The following PPP2R5E variants were observed in gnomAD, a reference collection of about 807,000 sequenced individuals.
The protein encoded by PPP2R5E is serine/threonine-protein phosphatase 2A 56 kDa regulatory subunit epsilon isoform.
PPP2R5E carries 4 observed loss-of-function variants against 65.3 expected under a neutral mutation model. The ratio of observed to expected loss-of-function variants is 0.06; its 90% CI spans 0.03 to 0.14. The LOEUF is 0.14. Ranked by LOEUF, PPP2R5E falls within the 10% of genes least tolerant of loss-of-function variation. PPP2R5E has a pLI of 1.00. For missense variants in PPP2R5E, 274 were observed against 556.1 expected (o/e 0.49, Z 5.10); for synonymous variants, 183 against 187.4 (o/e 0.98, Z 0.19).
At chr14:63,498,839 C>G (rs1434395391) in intron 2 of PPP2R5E, among the ~76,000 whole-genome samples, 1 of 151,938 alleles carries the variant, frequency 6.6e-6, no homozygotes, top group East Asian at 1.9e-4. Context: ...ACTTCATATA[C>G]CTCTCCAGCA....
intron 5 of PPP2R5E, among the ~76,000 whole-genome samples, chr14:63,406,396 G>T (rs927940347): frequency 1.6e-4 from 24 of 147,164 alleles, no homozygotes; most frequent in African/African-American, 5.8e-4. Flanking sequence ...GGGTGACAGA[G>T]CTAGACTTCA....
At chr14:63,474,326 G>C (rs1055727799) in intron 2 of PPP2R5E, among the ~76,000 whole-genome samples, 3 of 152,150 alleles carry the variant, frequency 2.0e-5, no homozygotes, top group African/African-American at 7.2e-5. Context: ...TGGGAGCCGG[G>C]TTGTCTGGTT....
intron 2 of PPP2R5E, among the ~76,000 whole-genome samples, chr14:63,537,654 C>T (rs1366242837): frequency 6.6e-6 from 1 of 152,138 alleles, no homozygotes; most frequent in Non-Finnish European, 1.5e-5. Flanking sequence ...TTTTGAGGAT[C>T]TTTTCCGGTT....
intron 3 of PPP2R5E, among the ~76,000 whole-genome samples, chr14:63,429,101 C>T (rs1299143179): frequency 1.3e-5 from 2 of 152,104 alleles, no homozygotes; most frequent in African/African-American, 2.4e-5. Context: ...AGATTTGAGG[C>T]TCTGGTACAC....
At chr14:63,422,619 G>A (rs977133499) in intron 3 of PPP2R5E, among the ~76,000 whole-genome samples, 40 of 151,842 alleles carry the variant, frequency 2.6e-4, no homozygotes, top group Non-Finnish European at 2.9e-4. Flanking sequence ...CCAGCTATGC[G>A]GGAGGCTGAG....
chr14:63,415,072 C>T (rs1886623380), intron 5 of PPP2R5E, 68 bp downstream of exon 5: 1 of 1,167,686 alleles, frequency 8.6e-7, no homozygotes, highest in Admixed American at 2.0e-5. Flanking sequence ...TTTTAACAAA[C>T]ATGAAGAGAA....
chr14:63,477,871 T>A (rs1890485505), intron 2 of PPP2R5E, among the ~76,000 whole-genome samples: 1 of 151,278 alleles, frequency 6.6e-6, no homozygotes, highest in Non-Finnish European at 1.5e-5. Context: ...TATATATATA[T>A]AAAATTTTTA....
chr14:63,481,323 C>G (rs1890686412), intron 2 of PPP2R5E, among the ~76,000 whole-genome samples: 1 of 151,938 alleles, frequency 6.6e-6, no homozygotes, highest in Non-Finnish European at 1.5e-5. Flanking sequence ...TGCTGAAACT[C>G]CGTCTCTACT....
chr14:63,540,492 A>G (rs1325510324), intron 1 of PPP2R5E, among the ~76,000 whole-genome samples: 1 of 151,092 alleles, frequency 6.6e-6, no homozygotes, highest in African/African-American at 2.4e-5. Context: ...AGGCGGGCAG[A>G]TAACTTCAGG....
chr14:63,483,507 C>A (rs1216136391), intron 2 of PPP2R5E, among the ~76,000 whole-genome samples: 1 of 152,168 alleles, frequency 6.6e-6, no homozygotes, highest in Non-Finnish European at 1.5e-5. Flanking sequence ...AGAAAGGGCA[C>A]AGAGAGGTGC....
At chr14:63,434,099 T>G (rs773331012) in intron 3 of PPP2R5E, among the ~76,000 whole-genome samples, 3 of 152,244 alleles carry the variant, frequency 2.0e-5, no homozygotes, top group Non-Finnish European at 4.4e-5. Flanking sequence ...CAATATACCC[T>G]ATTTACTCAA....
intron 5 of PPP2R5E, among the ~76,000 whole-genome samples, chr14:63,407,364 T>C (rs1031126578): frequency 5.9e-5 from 9 of 152,188 alleles, no homozygotes; most frequent in South Asian, 2.1e-4. Context: ...AAAGGGCAGA[T>C]ACAAATGGTG....
chr14:63,419,699 G>A (rs1332316875), intron 4 of PPP2R5E, among the ~76,000 whole-genome samples: 1 of 151,856 alleles, frequency 6.6e-6, no homozygotes, highest in Non-Finnish European at 1.5e-5. Context: ...GTTGATTTAC[G>A]AATTTTAAAA....
At chr14:63,528,197 T>C (rs1228756737) in intron 2 of PPP2R5E, among the ~76,000 whole-genome samples, 2 of 152,344 alleles carry the variant, frequency 1.3e-5, no homozygotes, top group African/African-American at 4.8e-5. Flanking sequence ...CTGATCTTTT[T>C]CAAGCACTAC....
rs1008310581 is a variant in PPP2R5E at position 63,373,687 on chromosome 14, G to A, written c.*2322C>T. 6.6e-6 allele frequency: 1 copy of A among 152,082 alleles called. No homozygotes were observed. Among genetic ancestry groups the A allele is most frequent in the Non-Finnish European group, 1.5e-5 (1 of 68,034 alleles). 9.4% of individuals were successfully genotyped at this position (152,082 alleles called of 1,614,324 possible). A position where few individuals can be genotyped will look rare whatever the true frequency, so the allele number is the denominator to read the frequency against. Reference sequence around the variant, plus strand: ...GTTCACCTTTACTCTTGAAGACAGGGTAAGGTACAAAAAAGGATCCTGGCC... The same window carrying A: ...GTTCACCTTTACTCTTGAAGACAGGATAAGGTACAAAAAAGGATCCTGGCC... On this transcript the variant is annotated 3_prime_UTR_variant, in exon 14 of 14. Coordinates refer to ENST00000337537, the MANE Select transcript of PPP2R5E (RefSeq NM_006246.5).
rs149163909 is a variant in PPP2R5E, at chr14:63,443,295, T to C, written c.354+10394A>G. Among the ~76,000 whole-genome samples, 1,422 of 152,314 alleles carry C rather than the reference T, an allele frequency of 9.3e-3. 29 individuals are homozygous for C. Among genetic ancestry groups the C allele is most frequent in the African/African-American group, 0.033 (1,369 of 41,572 alleles). ...TAAATTAACTTTGGAAAATTACATA[T>C]TCTACCATTTGAGGTATAAGCAGAG... On this transcript the variant is annotated intron_variant, in intron 3 of 13. Coordinates refer to ENST00000337537, the MANE Select transcript of PPP2R5E (RefSeq NM_006246.5).
intron 2 of PPP2R5E, among the ~76,000 whole-genome samples, chr14:63,503,776 G>A (rs1484345932): frequency 6.6e-6 from 1 of 152,124 alleles, no homozygotes; most frequent in African/African-American, 2.4e-5. Flanking sequence ...TTGCATGGGG[G>A]CCTTGAAAGC....
chr14:63,422,426 T>A (rs1169691380), intron 3 of PPP2R5E, among the ~76,000 whole-genome samples: 1 of 152,070 alleles, frequency 6.6e-6, no homozygotes, highest in Non-Finnish European at 1.5e-5. Flanking sequence ...CCAACTGACA[T>A]AAGAAATAAA....
intron 2 of PPP2R5E, among the ~76,000 whole-genome samples, chr14:63,511,284 C>G (rs1892440552): frequency 6.6e-6 from 1 of 152,116 alleles, no homozygotes; most frequent in Admixed American, 6.6e-5. Flanking sequence ...AGTGGAGAAC[C>G]CCAGGCTTTA....
Sources: allele counts gnomAD v4.1 joint callset (sites outside exome capture counted in the v4.1 genomes callset), GRCh38; gene constraint gnomAD v4.1.1; transcripts MANE v1.5; gene names NCBI Gene and HGNC (gene_info 2026-07-23, HGNC 2026-07-21).